Variants in OAS1 observed in about 807,000 individuals in gnomAD.
OAS1 encodes the protein 2'-5'-oligoadenylate synthase 1.
A neutral mutation model predicts 38.5 loss-of-function variants in OAS1; 24 were observed. That is an observed-to-expected ratio of 0.62 (90% CI 0.45 to 0.88). The LOEUF (loss-of-function observed/expected upper bound fraction) is 0.88, where lower values mean the gene tolerates loss of function less well. Ranked by LOEUF, OAS1 falls within the 40% of genes least tolerant of loss-of-function variation. The pLI, the probability that OAS1 is intolerant of heterozygous loss-of-function variation, is 0.00. For synonymous variants in OAS1, 169 were observed against 193.9 expected (o/e 0.87, Z 1.07); for missense variants, 482 against 493.9 (o/e 0.98, Z 0.23).
downstream of OAS1, among the ~76,000 whole-genome samples, chr12:112,924,195 A>G (rs2136331245): frequency 6.6e-6 from 1 of 152,280 alleles, no homozygotes; most frequent in Middle Eastern, 3.4e-3. Context: ...GAGCCCATCT[A>G]TGTGGGAGTC....
intron 1 of OAS1, 135 bp from the exon 2 acceptor site, chr12:112,908,401 T>C: frequency 1.3e-6 from 1 of 752,366 alleles, no homozygotes; most frequent in Non-Finnish European, 2.1e-6. Flanking sequence ...ATTGTGAGCA[T>C]TATAGGAGTT....
rs2136318682 is a variant in OAS1 at position 112,916,711 on chromosome 12, A to C, written c.857A>C (p.Tyr286Ser). 6.2e-7 allele frequency: 1 copy of C among 1,614,156 alleles called. No homozygotes were observed. Among genetic ancestry groups the C allele is most frequent in the Middle Eastern group, 1.6e-4 (1 of 6,062 alleles). Residue 286 changes from tyrosine to serine, a missense_variant, in exon 4 of 6, where the codon TAC becomes TCC. Coordinates refer to ENST00000202917, the MANE Select transcript of OAS1 (RefSeq NM_016816.4). ...YDFKNPIIEKYLRRQLTKPRP... is the reference protein window; with the variant it reads ...YDFKNPIIEKSLRRQLTKPRP... Reference sequence around the variant, plus strand: ...TTTAAAAACCCCATTATTGAAAAGTACCTGAGAAGGCAGCTCACGAAACCC... The same window carrying C: ...TTTAAAAACCCCATTATTGAAAAGTCCCTGAGAAGGCAGCTCACGAAACCC...
At chr12:112,911,013 A>G in intron 2 of OAS1, 38 bp from the exon 3 acceptor site, 2 of 1,580,942 alleles carry the variant, frequency 1.3e-6, no homozygotes, top group Middle Eastern at 1.7e-4. Context: ...AAATTCAGAG[A>G]AGAGCTGACA....
At chr12:112,908,450 CATA>C (rs1411265386) in intron 1 of OAS1, 83 bp from the exon 2 acceptor site, 2 of 1,310,328 alleles carry the variant, frequency 1.5e-6, no homozygotes, top group African/African-American at 2.9e-5. Flanking sequence ...GCTAGTGCTC[CATA>C]ATGTTAGTGA....
Position 112,916,994 on chromosome 12 carries a change from T to C in OAS1, c.884+256T>C, listed in dbSNP as rs535529145. On this transcript the variant is annotated intron_variant, in intron 4 of 5. Transcript: ENST00000202917. ...AGAGGTAAGGAGCTTGTCCAACCCT[T>C]AACAGAAAATGAGTAAAATAGCTGC... 3 of 456,310 alleles carry C rather than the reference T, an allele frequency of 6.6e-6. No individual in the cohort carries two copies. In the East Asian group the frequency reaches 1.1e-4, roughly 17 times the overall value. The allele number at this position is 456,310 out of a possible 1,614,324, so 28.3% of individuals were successfully genotyped here.
At chr12:112,915,450 G>A (rs2043442748) in intron 3 of OAS1, among the ~76,000 whole-genome samples, 1 of 151,964 alleles carries the variant, frequency 6.6e-6, no homozygotes, top group Non-Finnish European at 1.5e-5. Context: ...TTTATTTCTG[G>A]GTTATCTATT....
Position 112,917,415 on chromosome 12 carries a change from C to G in OAS1, c.885-132C>G, listed in dbSNP as rs374217734. On this transcript the variant is annotated intron_variant, in intron 4 of 5. Transcript: ENST00000202917. ...GGGGAATAGGGCACTGGGGACATAC[C>G]CCAGGGAGCCCTTCCTCATGTTCTG... is the stretch of plus-strand genomic sequence containing the variant. 1.9e-4 allele frequency: 228 copies of G among 1,205,570 alleles called. No individual in the cohort carries two copies. In the East Asian group the frequency reaches 4.8e-3, roughly 26 times the overall value. The allele number at this position is 1,205,570 out of a possible 1,614,324, so 74.7% of individuals were successfully genotyped here.
chr12:112,919,138 ACT>A (rs748615405), intron 5 of OAS1: 62 of 460,794 alleles, frequency 1.3e-4, no homozygotes, highest in Non-Finnish European at 2.2e-4. Flanking sequence ...TACGTGGATC[ACT>A]CACTGTGCTT....
At chr12:112,918,453 C>G in intron 5 of OAS1, 1 of 336,708 alleles carries the variant, frequency 3.0e-6, no homozygotes, top group Admixed American at 3.7e-5. Flanking sequence ...GATAAACATA[C>G]GAGTGCCGGT....
intron 6 of OAS1, among the ~76,000 whole-genome samples, chr12:112,930,058 C>T (rs950269677): frequency 3.9e-5 from 6 of 152,114 alleles, no homozygotes; most frequent in Admixed American, 2.0e-4. Flanking sequence ...TTAACACCAT[C>T]GCCTTGGTGC....
At chr12:112,916,845 A>C (rs1429775009) in intron 4 of OAS1, 107 bp downstream of exon 4, 3 of 820,796 alleles carry the variant, frequency 3.7e-6, no homozygotes, top group East Asian at 5.0e-5. Context: ...CTTAGTGAGA[A>C]TCTCCTGTTG....
At chr12:112,921,034 A>C (rs1385742472), downstream of OAS1, among the ~76,000 whole-genome samples, 1 of 152,036 alleles carries the variant, frequency 6.6e-6, no homozygotes, top group African/African-American at 2.4e-5. Context: ...ATGTTTTCCT[A>C]CTCTGGCGCC....
downstream of OAS1, chr12:112,932,614 CA>C (rs911586325): frequency 3.9e-5 from 6 of 152,384 alleles, no homozygotes; most frequent in African/African-American, 9.7e-5. Context: ...AACAAACAAG[CA>C]AAAAAAACCC....
In OAS1 at chr12:112,911,199, G is replaced by A. The variant is rs1476647324; in HGVS notation, c.618G>A (p.Lys206=). The A allele has an allele frequency of 6.2e-7, 1 of 1,613,734 alleles. No homozygotes were observed. The highest frequency in any genetic ancestry group is 1.7e-5 in the Admixed American group (1 of 59,974). ...DFLKQRPTKL[K]SLIRLVKHWY... ...TGAAGCAGCGCCCCACCAAGCTCAA[G>A]AGCCTCATCCGCCTAGTCAAGCACT... Residue 206 remains lysine (K), a synonymous_variant, in exon 3 of 6, where the codon AAG becomes AAA. Transcript: ENST00000202917.
At position 112,908,893 on chromosome 12, in the gene OAS1, C is replaced by G. The variant is rs754232555; in HGVS notation, c.469+69C>G. On this transcript the variant is annotated intron_variant, in intron 2 of 5. Coordinates refer to ENST00000202917, the MANE Select transcript of OAS1 (RefSeq NM_016816.4). ...GCAGAAATCTCCCACAGTTTGAGAG[C>G]TTTTTGCCCCAACAGGGCATCTCTC... is the stretch of plus-strand genomic sequence containing the variant. The G allele has an allele frequency of 2.7e-6, 4 of 1,503,350 alleles. No homozygotes were observed. The Admixed American group carries it at 6.6e-5, about 25-fold the overall frequency. 93.1% of individuals were successfully genotyped at this position (1,503,350 alleles called of 1,614,324 possible). A position where few individuals can be genotyped will look rare whatever the true frequency, so the allele number is the denominator to read the frequency against.
rs2043373573 is a variant in OAS1, at chr12:112,911,176, A to G, written c.595A>G (p.Lys199Glu). 1.2e-6 allele frequency: 2 copies of G among 1,613,834 alleles called. No individual in the cohort carries two copies. Among genetic ancestry groups the G allele is most frequent in the Middle Eastern group, 1.6e-4 (1 of 6,082 alleles). Residue 199 changes from lysine (K) to glutamate (E), a missense_variant, in exon 3 of 6, where the codon AAG (lysine) becomes GAG (glutamate). Lys to Glu is a moderately conservative substitution (Grantham distance 56, BLOSUM62 1). Coordinates refer to ENST00000202917, the MANE Select transcript of OAS1 (RefSeq NM_016816.4). ...CFTELQRDFL[K>E]QRPTKLKSLI... ...CACAGAACTACAGAGAGACTTCCTG[A>G]AGCAGCGCCCCACCAAGCTCAAGAG...
At chr12:112,908,292 A>G (rs1307269357) in intron 1 of OAS1, among the ~76,000 whole-genome samples, 1 of 152,204 alleles carries the variant, frequency 6.6e-6, no homozygotes, top group Admixed American at 6.5e-5. Flanking sequence ...TTTGCCACCT[A>G]CTAGCTGGGT....
At chr12:112,917,876 T>C in intron 5 of OAS1, 176 bp downstream of exon 5, 2 of 1,481,400 alleles carry the variant, frequency 1.4e-6, no homozygotes, top group South Asian at 2.8e-5. Context: ...CAATCGAGGG[T>C]TTCTGGAATT....
At chr12:112,914,171 G>A (rs560072499) in intron 3 of OAS1, among the ~76,000 whole-genome samples, 1 of 152,278 alleles carries the variant, frequency 6.6e-6, no homozygotes, top group East Asian at 1.9e-4. Context: ...CCACATATGA[G>A]TGAGAACATA....
Sources: gnomAD v4.1 joint callset for allele counts (sites outside exome capture counted in the v4.1 genomes callset) on GRCh38, gnomAD v4.1.1 for gene constraint, MANE v1.5 for transcripts, NCBI Gene and HGNC (gene_info 2026-07-23, HGNC 2026-07-21) for gene names.